Variants in DOCK2 observed in about 807,000 individuals in gnomAD.
DOCK2 encodes dedicator of cytokinesis protein 2.
In DOCK2, 87 loss-of-function variants were observed where a neutral mutation model predicts 248.9. That is an observed-to-expected ratio of 0.35 (90% CI 0.29 to 0.42). The LOEUF (loss-of-function observed/expected upper bound fraction) is 0.42. DOCK2 is among the 10% of genes least tolerant of loss of function. The probability of loss-of-function intolerance (pLI) is 1.00; values close to 1 mark genes in which losing one functional copy is unlikely to be tolerated. For synonymous variants in DOCK2, 805 were observed against 821.6 expected (o/e 0.98, Z 0.35); for missense variants, 1,747 against 2,300.2 (o/e 0.76, Z 4.92).
In DOCK2 at chr5:169,708,203, T is replaced by C; in HGVS notation, c.1418T>C (p.Met473Thr). ...AICVGAGDKP[M>T]NEYRSVVYYQ... ...TGCGTGGGAGCAGGGGACAAGCCCA[T>C]GAATGAGTATCGCTCCGTTGTGTAC... The change falls in exon 15 of 52, where the codon ATG becomes ACG. Residue 473 changes from methionine to threonine, a missense_variant. By Grantham distance (81) the Met-to-Thr change is moderately conservative (BLOSUM62 -1). Coordinates refer to ENST00000520908, the MANE Select transcript of DOCK2 (RefSeq NM_004946.3). 1.9e-6 allele frequency: 3 copies of C among 1,613,998 alleles called. No homozygotes were observed. Among genetic ancestry groups the C allele is most frequent in the Non-Finnish European group, 2.5e-6 (3 of 1,179,950 alleles).
intron 26 of DOCK2, among the ~76,000 whole-genome samples, chr5:169,833,573 G>C (rs1354100210): frequency 1.3e-5 from 2 of 152,200 alleles, no homozygotes; most frequent in East Asian, 1.9e-4. Flanking sequence ...GATCAGCTGA[G>C]AGCCTGTTCC....
At chr5:169,699,829 A>G (rs1760860034) in intron 12 of DOCK2, among the ~76,000 whole-genome samples, 185 bp from the exon 13 acceptor site, 1 of 152,240 alleles carries the variant, frequency 6.6e-6, no homozygotes, top group Admixed American at 6.5e-5. Flanking sequence ...GCTAGAAATC[A>G]TTAGCGGGAT....
At chr5:170,064,981 T>C (rs1313790436) in intron 44 of DOCK2, among the ~76,000 whole-genome samples, 3 of 152,034 alleles carry the variant, frequency 2.0e-5, no homozygotes, top group Admixed American at 6.6e-5. Context: ...GCTAATACTT[T>C]AATGATGGTG....
intron 27 of DOCK2, among the ~76,000 whole-genome samples, chr5:169,893,759 AGG>A (rs1276468134): frequency 1.3e-5 from 2 of 152,204 alleles, no homozygotes; most frequent in African/African-American, 4.8e-5. Flanking sequence ...ATTTACTCAT[AGG>A]GTACAGAGTT....
chr5:169,724,257 C>T (rs1762354696), intron 22 of DOCK2, among the ~76,000 whole-genome samples: 1 of 152,130 alleles, frequency 6.6e-6, no homozygotes, highest in African/African-American at 2.4e-5. Context: ...ATGGTAACAT[C>T]CCTAAGTGCA....
chr5:169,765,562 A>G (rs1764731766), intron 25 of DOCK2, among the ~76,000 whole-genome samples: 1 of 152,258 alleles, frequency 6.6e-6, no homozygotes, highest in African/African-American at 2.4e-5. Context: ...CAAGAACCTC[A>G]TCTCCAAGAA....
intron 1 of DOCK2, among the ~76,000 whole-genome samples, chr5:169,646,971 G>C (rs1198116317): frequency 6.6e-6 from 1 of 152,196 alleles, no homozygotes; most frequent in Non-Finnish European, 1.5e-5. Flanking sequence ...GCCCAGAGAT[G>C]AATAAAACAG....
intron 18 of DOCK2, 37 bp downstream of exon 18, chr5:169,714,248 G>A: frequency 6.2e-7 from 1 of 1,600,466 alleles, no homozygotes; most frequent in Non-Finnish European, 8.5e-7. Context: ...TGTGGGGAGT[G>A]TGTGTGTCCG....
chr5:169,906,187 G>A (rs1008405054), intron 27 of DOCK2, among the ~76,000 whole-genome samples: 3 of 152,108 alleles, frequency 2.0e-5, no homozygotes, highest in Non-Finnish European at 2.9e-5. Flanking sequence ...CATTGTGCCC[G>A]GGGCCGTGGA....
At chr5:169,883,713 C>T (rs140484421) in intron 27 of DOCK2, 57 of 1,551,266 alleles carry the variant, frequency 3.7e-5, no homozygotes, top group Non-Finnish European at 4.4e-5. Context: ...CCATCACAGC[C>T]GGGTCTTCTG....
In DOCK2 at chr5:169,681,019, A is replaced by G. The variant is rs555218652; in HGVS notation, c.471-725A>G. Among the ~76,000 whole-genome samples, 50 of 151,666 alleles carry G rather than the reference A, an allele frequency of 3.3e-4. 2 individuals carry two copies. In the South Asian group the frequency reaches 9.6e-3, roughly 29 times the overall value. The stretch of plus-strand genomic sequence containing the variant: ...TTTGCACTGAAATATATTATTAAAC[A>G]TAGCAAAACTATATAATATTTTAAA... On this transcript the variant is annotated intron_variant, in intron 6 of 51. Transcript: ENST00000520908.
At chr5:169,890,866 T>C (rs1773241525) in intron 27 of DOCK2, among the ~76,000 whole-genome samples, 1 of 152,156 alleles carries the variant, frequency 6.6e-6, no homozygotes, top group African/African-American at 2.4e-5. Flanking sequence ...AGTGTCCCCC[T>C]CTCTTGTCCT....
intron 27 of DOCK2, among the ~76,000 whole-genome samples, chr5:169,852,603 C>CT (rs1189623994): frequency 1.3e-5 from 2 of 152,334 alleles, no homozygotes; most frequent in East Asian, 3.9e-4. Flanking sequence ...ACCTGCCAAG[C>CT]TTGTGGTGAA....
At chr5:169,781,365 TA>T (rs930788636) in intron 25 of DOCK2, among the ~76,000 whole-genome samples, 2 of 152,238 alleles carry the variant, frequency 1.3e-5, no homozygotes, top group African/African-American at 4.8e-5. Context: ...ATTTAAACTC[TA>T]GTCCAGGAAA....
At chr5:169,650,088 G>A (rs193173046) in intron 1 of DOCK2, among the ~76,000 whole-genome samples, 35 of 152,200 alleles carry the variant, frequency 2.3e-4, no homozygotes, top group Non-Finnish European at 3.7e-4. Context: ...GTGAGCCGCC[G>A]CACCTGGCAG....
intron 25 of DOCK2, among the ~76,000 whole-genome samples, chr5:169,781,026 G>A (rs1405838710): frequency 1.3e-5 from 2 of 152,216 alleles, no homozygotes; most frequent in Non-Finnish European, 2.9e-5. Context: ...CAGGGTCCTG[G>A]TGGCTAGAGC....
chr5:170,078,371 T>G (rs1254816920), intron 48 of DOCK2, among the ~76,000 whole-genome samples: 1 of 152,174 alleles, frequency 6.6e-6, no homozygotes, highest in Non-Finnish European at 1.5e-5. Flanking sequence ...AGGTTACTCT[T>G]GCCCAGAGGG....
intron 26 of DOCK2, among the ~76,000 whole-genome samples, chr5:169,817,654 T>A (rs1488688669): frequency 6.6e-6 from 1 of 152,236 alleles, no homozygotes; most frequent in Non-Finnish European, 1.5e-5. Context: ...GCCTTGTCTG[T>A]TTCACAGACA....
chr5:170,026,035 A>G (rs1434399526), intron 33 of DOCK2, among the ~76,000 whole-genome samples: 1 of 151,844 alleles, frequency 6.6e-6, no homozygotes, highest in Non-Finnish European at 1.5e-5. Flanking sequence ...ATCTCCTTCA[A>G]TAAGTCTTCC....
Sources: gnomAD v4.1 joint callset for allele counts (sites outside exome capture counted in the v4.1 genomes callset) on GRCh38, gnomAD v4.1.1 for gene constraint, MANE v1.5 for transcripts, NCBI Gene and HGNC (gene_info 2026-07-23, HGNC 2026-07-21) for gene names.